Variants in CCNI observed in about 807,000 individuals in gnomAD.
CCNI encodes the protein cyclin-I.
In CCNI, 14 loss-of-function variants were observed where a neutral mutation model predicts 34.1. That is an observed-to-expected ratio of 0.41 (90% CI 0.27 to 0.64). The LOEUF (loss-of-function observed/expected upper bound fraction) is 0.64. CCNI is among the 30% of genes least tolerant of loss of function. The pLI, the probability that CCNI is intolerant of heterozygous loss-of-function variation, is 0.31. For synonymous variants in CCNI, 154 were observed against 158.4 expected, an observed-to-expected ratio of 0.97 and a Z score of 0.21; for missense variants, 385 against 440.5, an observed-to-expected ratio of 0.87 and a Z score of 1.13.
At chr4:77,057,347 T>C (rs4252880) in intron 3 of CCNI, among the ~76,000 whole-genome samples, 2,729 of 152,352 alleles carry the variant, frequency 0.018, 57 homozygotes, top group South Asian at 0.062. Context: ...TTGGAGAAAT[T>C]TGTGGAACAA....
intron 6 of CCNI, among the ~76,000 whole-genome samples, chr4:77,051,132 T>G (rs1404605884): frequency 6.6e-6 from 1 of 151,662 alleles, no homozygotes; most frequent in Non-Finnish European, 1.5e-5. Context: ...GTACTCAGCA[T>G]GCCACAAATT....
Position 77,075,678 on chromosome 4 carries a change from G to A in CCNI, c.-250C>T, listed in dbSNP as rs4252760. 1.1e-3 allele frequency: 601 copies of A among 541,324 alleles called. 3 individuals carry two copies. The African/African-American group carries it at 0.011, about 10-fold the overall frequency. The allele number at this position is 541,324 out of a possible 1,614,324, so 33.5% of individuals were successfully genotyped here. ...GCGGGCGCTGGCGCTCGAGCGGGAC[G>A]CACGGCTGCGGCCGCTGGGTCGGTC... is the stretch of plus-strand genomic sequence containing the variant. On this transcript the variant is annotated 5_prime_UTR_variant, in exon 1 of 7. Transcript: ENST00000237654.
intron 2 of CCNI, among the ~76,000 whole-genome samples, chr4:77,062,796 C>T (rs906675046): frequency 2.0e-5 from 3 of 152,058 alleles, no homozygotes; most frequent in African/African-American, 7.2e-5. Flanking sequence ...AAGTATGTGC[C>T]ACTTTGACCA....
chr4:77,058,383 A>T (rs954360345), intron 3 of CCNI, 124 bp downstream of exon 3: 15 of 643,372 alleles, frequency 2.3e-5, no homozygotes, highest in Non-Finnish European at 3.7e-5. Context: ...TTATGGGTAC[A>T]TACATCATTC....
At position 77,071,566 on chromosome 4, in the gene CCNI, G is replaced by A. The variant is rs1729467683; in HGVS notation, c.-44+3906C>T. Among the ~76,000 whole-genome samples the A allele has an allele frequency of 2.0e-5, 3 of 152,166 alleles. No homozygotes were observed. In the South Asian group the frequency reaches 6.2e-4, roughly 31 times the overall value. ...CAGTGAAAAGTCAATGAAACCAGAA[G>A]CTGATTGTTTGAAAAGATCAAAATG... is the stretch of plus-strand genomic sequence containing the variant. On this transcript the variant is annotated intron_variant, in intron 1 of 6. Transcript: ENST00000237654.
chr4:77,072,170 G>A (rs1729514103), intron 1 of CCNI, among the ~76,000 whole-genome samples: 2 of 152,026 alleles, frequency 1.3e-5, no homozygotes, highest in African/African-American at 4.8e-5. Flanking sequence ...CCATAACCAA[G>A]TGGGATTTGT....
intron 6 of CCNI, among the ~76,000 whole-genome samples, chr4:77,052,835 TA>T (rs753191484): frequency 6.6e-6 from 1 of 152,184 alleles, no homozygotes; most frequent in Non-Finnish European, 1.5e-5. Context: ...AAATGAGTCC[TA>T]AAGAACTAGG....
Position 77,066,391 on chromosome 4 carries a change from G to C in CCNI, c.-29C>G, listed in dbSNP as rs1228931169. The C allele has an allele frequency of 1.2e-6, 2 of 1,612,370 alleles. No individual in the cohort carries two copies. Among genetic ancestry groups the C allele is most frequent in the Admixed American group, 3.3e-5 (2 of 59,722 alleles). On this transcript the variant is annotated 5_prime_UTR_variant, in exon 2 of 7. Transcript: ENST00000237654. Reference sequence around the variant, plus strand: ...ATCCTTTGGATCTGCCTGCTACCCAGCTTGCTGTAGCTACCTACAGAATCA... The same window carrying C: ...ATCCTTTGGATCTGCCTGCTACCCACCTTGCTGTAGCTACCTACAGAATCA...
chr4:77,067,667 G>GTTT (rs145214993), intron 1 of CCNI, among the ~76,000 whole-genome samples: 1 of 137,788 alleles, frequency 7.3e-6, no homozygotes. Flanking sequence ...ATTTTGTGGG[G>GTTT]TTTTTTTTTT....
rs35437385 is a variant in CCNI, at chr4:77,056,586, CTTTTTTTT to C, written c.244-271_244-264del. ...CAAGATCAAGTGTGTCTAGAGCTAA[CTTTTTTTT>C]TTTTTTTTTTTTTGAGACGGAGTCT... On this transcript the variant is annotated intron_variant, in intron 3 of 6. Coordinates refer to ENST00000237654, the MANE Select transcript of CCNI (RefSeq NM_006835.3). The C allele has an allele frequency of 2.1e-4, 34 of 161,448 alleles. No homozygotes were observed. The East Asian group carries it at 3.6e-3, about 17-fold the overall frequency. The allele number at this position is 161,448 out of a possible 1,614,324, so 10.0% of individuals were successfully genotyped here. A position where few individuals can be genotyped will look rare whatever the true frequency, so the allele number is the denominator to read the frequency against.
chr4:77,050,046 C>G (rs1462126197), intron 6 of CCNI, among the ~76,000 whole-genome samples: 1 of 152,174 alleles, frequency 6.6e-6, no homozygotes, highest in African/African-American at 2.4e-5. Flanking sequence ...TCTCAACCTT[C>G]TTTTCTAGCC....
intron 6 of CCNI, among the ~76,000 whole-genome samples, chr4:77,050,677 A>G (rs889598615): frequency 1.1e-4 from 17 of 152,180 alleles, no homozygotes; most frequent in Non-Finnish European, 1.9e-4. Context: ...TAAAAGAAAA[A>G]AAGTTAACAT....
At chr4:77,069,505 A>T (rs4252811) in intron 1 of CCNI, among the ~76,000 whole-genome samples, 8,240 of 151,870 alleles carry the variant, frequency 0.054, 335 homozygotes, top group South Asian at 0.14. Context: ...TTTGTTACAT[A>T]TGTATACATG....
At chr4:77,055,405 T>A in intron 5 of CCNI, 25 bp from the exon 6 acceptor site, 1 of 1,413,470 alleles carries the variant, frequency 7.1e-7, no homozygotes, top group Non-Finnish European at 1.0e-6. Context: ...AACATCATTT[T>A]AACTTTATTT....
chr4:77,053,560 C>T (rs960977001), intron 6 of CCNI, among the ~76,000 whole-genome samples: 1 of 152,174 alleles, frequency 6.6e-6, no homozygotes, highest in Non-Finnish European at 1.5e-5. Context: ...CTACAGAATA[C>T]ACATGCTATT....
intron 1 of CCNI, 86 bp from the exon 2 acceptor site, chr4:77,066,491 A>G (rs1391703880): frequency 5.2e-6 from 5 of 953,410 alleles, no homozygotes; most frequent in Admixed American, 2.8e-5. Flanking sequence ...ATAAAACAAA[A>G]TAAGAATGCT....
chr4:77,058,687 G>C (rs765198206), intron 2 of CCNI, 52 bp from the exon 3 acceptor site: 4 of 1,534,220 alleles, frequency 2.6e-6, no homozygotes, highest in Non-Finnish European at 3.6e-6. Flanking sequence ...CTATCATCAA[G>C]AGTATGTTTA....
intron 2 of CCNI, among the ~76,000 whole-genome samples, chr4:77,063,132 A>G (rs543861177): frequency 1.3e-5 from 2 of 152,236 alleles, no homozygotes; most frequent in East Asian, 3.9e-4. Flanking sequence ...TTCTTGCCTG[A>G]CCACACTGTC....
At chr4:77,051,400 A>C (rs1282878715) in intron 6 of CCNI, among the ~76,000 whole-genome samples, 1 of 152,250 alleles carries the variant, frequency 6.6e-6, no homozygotes. Flanking sequence ...CATGTATTTA[A>C]GTAAGAGGAA....
Sources: gnomAD v4.1 joint callset for allele counts (sites outside exome capture counted in the v4.1 genomes callset) on GRCh38, gnomAD v4.1.1 for gene constraint, MANE v1.5 for transcripts, NCBI Gene and HGNC (gene_info 2026-07-23, HGNC 2026-07-21) for gene names.